The following DNM3 variants were observed in gnomAD, a reference collection of about 807,000 sequenced individuals.
DNM3 encodes dynamin-3.
In DNM3, 47 loss-of-function variants were observed where a neutral mutation model predicts 101.6. The observed-to-expected ratio is 0.46, with a 90% CI of 0.37 to 0.59. The LOEUF is 0.59. Among genes scored for constraint, DNM3 ranks in the 20% least tolerant of loss-of-function variants. DNM3 has a pLI of 0.00. For synonymous variants in DNM3, 385 were observed against 387.9 expected (o/e 0.99, Z 0.09); for missense variants, 849 against 1,085.7 (o/e 0.78, Z 3.06).
chr1:172,321,825 A>C (rs909534532), intron 16 of DNM3, among the ~76,000 whole-genome samples: 49 of 152,190 alleles, frequency 3.2e-4, no homozygotes, highest in African/African-American at 1.2e-3. Context: ...ACTTGGGAGA[A>C]CCAGGGTCCC....
At chr1:172,116,954 C>A (rs2055943461) in intron 13 of DNM3, among the ~76,000 whole-genome samples, 2 of 152,058 alleles carry the variant, frequency 1.3e-5, no homozygotes, top group Admixed American at 1.3e-4. Flanking sequence ...GCTTGTATTC[C>A]CATCACTTTG....
chr1:172,264,789 A>G (rs915731836), intron 15 of DNM3, among the ~76,000 whole-genome samples: 1 of 152,202 alleles, frequency 6.6e-6, no homozygotes, highest in Non-Finnish European at 1.5e-5. Flanking sequence ...AGCTATATCT[A>G]TAACAGTTAA....
intron 4 of DNM3, among the ~76,000 whole-genome samples, chr1:172,026,756 C>A (rs974012014): frequency 1.3e-5 from 2 of 151,854 alleles, no homozygotes; most frequent in Non-Finnish European, 2.9e-5. Flanking sequence ...CGGGTTCATG[C>A]CATTCTCCTG....
intron 14 of DNM3, among the ~76,000 whole-genome samples, chr1:172,149,156 T>C (rs2058034989): frequency 6.6e-6 from 1 of 152,174 alleles, no homozygotes; most frequent in South Asian, 2.1e-4. Context: ...CATGTTTTGT[T>C]TTTGCCCGTC....
intron 14 of DNM3, among the ~76,000 whole-genome samples, chr1:172,233,840 G>A (rs12062696): frequency 0.17 from 25,222 of 151,866 alleles, 2,436 homozygotes; most frequent in East Asian, 0.28. Context: ...AAATTCAACA[G>A]CCCTTCACGC....
intron 2 of DNM3, among the ~76,000 whole-genome samples, chr1:171,957,971 C>T (rs572368263): frequency 6.6e-6 from 1 of 152,306 alleles, no homozygotes; most frequent in South Asian, 2.1e-4. Flanking sequence ...TCCACCGGTA[C>T]CAATTTACTG....
intron 4 of DNM3, among the ~76,000 whole-genome samples, chr1:172,005,097 T>A (rs548220361): frequency 6.6e-6 from 1 of 152,236 alleles, no homozygotes; most frequent in African/African-American, 2.4e-5. Context: ...ACTGTCTGAT[T>A]TGAATCATGG....
Position 172,004,301 on chromosome 1 carries a change from AG to A in DNM3, c.589+15154del, listed in dbSNP as rs559514687. ...ATGTATATTAGAGTTTATGATTTAC[AG>A]CTGGAACAAGTCCAGGTTATAAATG... On this transcript the variant is annotated intron_variant, in intron 4 of 20. Transcript: ENST00000627582. 1.2e-4 allele frequency among the ~76,000 whole-genome samples: 19 copies of A among 152,170 alleles called. No homozygotes were observed. In the South Asian group the frequency reaches 3.9e-3, roughly 32 times the overall value.
intron 14 of DNM3, among the ~76,000 whole-genome samples, chr1:172,184,901 CT>C (rs1272750011): frequency 6.6e-6 from 1 of 152,072 alleles, no homozygotes; most frequent in East Asian, 1.9e-4. Context: ...CATGTTCTTT[CT>C]TTTGCACACC....
chr1:172,024,413 C>G (rs1284424227), intron 4 of DNM3, among the ~76,000 whole-genome samples: 2 of 152,142 alleles, frequency 1.3e-5, no homozygotes, highest in Non-Finnish European at 2.9e-5. Flanking sequence ...AAAAATCCAG[C>G]TATATTTTAT....
intron 13 of DNM3, among the ~76,000 whole-genome samples, chr1:172,114,834 T>G (rs2055771238): frequency 6.6e-6 from 1 of 152,178 alleles, no homozygotes; most frequent in Admixed American, 6.5e-5. Context: ...TATTTTACAG[T>G]ATGCATAAGT....
chr1:172,037,947 A>C (rs367599448), intron 6 of DNM3, among the ~76,000 whole-genome samples: 103 of 152,332 alleles, frequency 6.8e-4, no homozygotes, highest in African/African-American at 2.4e-3. Flanking sequence ...CTTCATTTCT[A>C]TCACATTCTA....
At chr1:172,194,962 G>T (rs576637117) in intron 14 of DNM3, among the ~76,000 whole-genome samples, 1 of 152,110 alleles carries the variant, frequency 6.6e-6, no homozygotes, top group Admixed American at 6.6e-5. Flanking sequence ...AGTATTGATG[G>T]TCTCTACCAT....
intron 2 of DNM3, among the ~76,000 whole-genome samples, chr1:171,976,078 A>G (rs1261842464): frequency 6.6e-6 from 1 of 152,242 alleles, no homozygotes; most frequent in African/African-American, 2.4e-5. Context: ...GGATCTACAC[A>G]TATGTAGACA....
At chr1:172,014,103 A>G (rs2047296204) in intron 4 of DNM3, among the ~76,000 whole-genome samples, 1 of 152,074 alleles carries the variant, frequency 6.6e-6, no homozygotes, top group African/African-American at 2.4e-5. Context: ...ACGATTTGCA[A>G]CGGTGAAAAT....
At chr1:171,957,967 G>A (rs914835758) in intron 2 of DNM3, among the ~76,000 whole-genome samples, 7 of 152,090 alleles carry the variant, frequency 4.6e-5, no homozygotes, top group East Asian at 3.9e-4. Context: ...GCAGTCCACC[G>A]GTACCAATTT....
At chr1:172,393,867 T>G (rs1033679873) in intron 20 of DNM3, 2 of 152,666 alleles carry the variant, frequency 1.3e-5, no homozygotes, top group Non-Finnish European at 2.9e-5. Flanking sequence ...TTTTTGATTC[T>G]TAATATTTAA....
chr1:172,411,162 A>AT lies in DNM3; in HGVS notation c.*3327dup, dbSNP rs540041184. The AT allele has an allele frequency of 1.6e-4, 158 of 985,150 alleles. No individual in the cohort carries two copies. In the African/African-American group the frequency reaches 2.3e-3, roughly 14 times the overall value. The allele number at this position is 985,150 out of a possible 1,614,324, so 61.0% of individuals were successfully genotyped here. A position where few individuals can be genotyped will look rare whatever the true frequency, so the allele number is the denominator to read the frequency against. Reference sequence around the variant, plus strand: ...TACTTAGTATGTGTGGTATCAGGATATTTTTTAAACTGTGATAATACAACA... The same window carrying AT: ...TACTTAGTATGTGTGGTATCAGGATATTTTTTTAAACTGTGATAATACAACA... On this transcript the variant is annotated 3_prime_UTR_variant, in exon 21 of 21. Coordinates refer to ENST00000627582, the MANE Select transcript of DNM3 (RefSeq NM_015569.5).
At chr1:172,267,934 G>T (rs972405068) in intron 15 of DNM3, among the ~76,000 whole-genome samples, 1 of 152,046 alleles carries the variant, frequency 6.6e-6, no homozygotes, top group Non-Finnish European at 1.5e-5. Context: ...GGATGGTCTC[G>T]ATCTCCTGAC....
Sources: allele counts gnomAD v4.1 joint callset (sites outside exome capture counted in the v4.1 genomes callset), GRCh38; gene constraint gnomAD v4.1.1; transcripts MANE v1.5; gene names NCBI Gene and HGNC (gene_info 2026-07-23, HGNC 2026-07-21).